Variants in IL12RB1 observed in about 807,000 individuals in gnomAD.
The protein encoded by IL12RB1 is interleukin-12 receptor subunit beta-1.
IL12RB1 carries 64 observed loss-of-function variants against 94.4 expected under a neutral mutation model. That is an observed-to-expected ratio of 0.68 (90% confidence interval 0.55 to 0.83). IL12RB1 has a LOEUF of 0.83. Among genes scored for constraint, IL12RB1 ranks in the 40% least tolerant of loss-of-function variants. The pLI is 0.00. For missense variants in IL12RB1, 814 were observed against 855.6 expected (o/e 0.95, Z 0.61); for synonymous variants, 362 against 355.5 (o/e 1.02, Z -0.21).
intron 1 of IL12RB1, among the ~76,000 whole-genome samples, chr19:18,084,042 T>TCCAC (rs2036128101): frequency 2.7e-5 from 4 of 149,158 alleles, no homozygotes; most frequent in Admixed American, 2.0e-4. Flanking sequence ...CATCCATCCA[T>TCCAC]CCACCCCACC....
At chr19:18,088,408 T>TATATATATATATATATATATATATA (rs1555788630), upstream of IL12RB1, among the ~76,000 whole-genome samples, 2 of 145,564 alleles carry the variant, frequency 1.4e-5, no homozygotes, top group African/African-American at 5.2e-5. Context: ...TATATATAAA[T>TATATATATATATATATATATATATA]TAAAAGTTAG....
At chr19:18,067,619 T>C (rs2034686996) in intron 11 of IL12RB1, among the ~76,000 whole-genome samples, 1 of 151,806 alleles carries the variant, frequency 6.6e-6, no homozygotes, top group South Asian at 2.1e-4. Context: ...CTGGCCAACA[T>C]GCTAAAACCC....
chr19:18,062,430 C>G (rs538881173), intron 13 of IL12RB1, among the ~76,000 whole-genome samples, 153 bp from the exon 14 acceptor site: 12 of 152,222 alleles, frequency 7.9e-5, no homozygotes, highest in African/African-American at 2.9e-4. Flanking sequence ...CCCACCTGCC[C>G]GGTAGCTGTC....
intron 4 of IL12RB1, among the ~76,000 whole-genome samples, chr19:18,079,323 C>T (rs896284373): frequency 2.0e-5 from 3 of 151,872 alleles, no homozygotes; most frequent in Admixed American, 1.3e-4. Context: ...AGGCTGGTCT[C>T]GAACTCCTGA....
At chr19:18,081,128 TTC>T (rs1272030179) in intron 3 of IL12RB1, 127 bp from the exon 4 acceptor site, 1 of 849,980 alleles carries the variant, frequency 1.2e-6, no homozygotes, top group African/African-American at 1.7e-5. Flanking sequence ...TGGAGTTTCA[TTC>T]TGTCACCCAG....
chr19:18,067,940 C>T (rs573841626), intron 11 of IL12RB1, among the ~76,000 whole-genome samples: 2 of 150,558 alleles, frequency 1.3e-5, no homozygotes, highest in East Asian at 2.0e-4. Context: ...AAGTGATCCA[C>T]AAGCCTCAGC....
intron 7 of IL12RB1, among the ~76,000 whole-genome samples, chr19:18,073,952 G>T (rs2035263770): frequency 6.6e-6 from 1 of 152,160 alleles, no homozygotes; most frequent in African/African-American, 2.4e-5. Context: ...AGCCTTCCAA[G>T]TAGCTGGGAT....
chr19:18,075,552 C>T (rs17886634), intron 7 of IL12RB1, among the ~76,000 whole-genome samples, 197 bp downstream of exon 7: 11 of 152,230 alleles, frequency 7.2e-5, no homozygotes, highest in African/African-American at 2.4e-4. Context: ...TCAGCCACCA[C>T]GCCCAGCCCC....
At chr19:18,067,239 G>T (rs1039346606) in intron 11 of IL12RB1, among the ~76,000 whole-genome samples, 1 of 144,192 alleles carries the variant, frequency 6.9e-6, no homozygotes, top group Non-Finnish European at 1.5e-5. Context: ...CACGAGAATC[G>T]CTTGAACCCG....
At chr19:18,082,390 C>CT in intron 2 of IL12RB1, 126 bp from the exon 3 acceptor site, 5 of 695,278 alleles carry the variant, frequency 7.2e-6, no homozygotes, top group Non-Finnish European at 1.1e-5. Context: ...CGCGTCCTTC[C>CT]TACCTCATCC....
intron 8 of IL12RB1, among the ~76,000 whole-genome samples, chr19:18,072,860 T>G (rs1599503403): frequency 7.2e-6 from 1 of 138,998 alleles, no homozygotes; most frequent in Non-Finnish European, 1.5e-5. Context: ...GGCAGGAGAA[T>G]GGCGTGAACC....
chr19:18,083,569 A>G, intron 1 of IL12RB1, 78 bp from the exon 2 acceptor site: 2 of 1,430,090 alleles, frequency 1.4e-6, no homozygotes, highest in South Asian at 2.3e-5. Context: ...TGGGGTCTAC[A>G]CCCAAGTGAT....
chr19:18,064,601 T>C (rs943289974), intron 12 of IL12RB1, among the ~76,000 whole-genome samples: 6 of 151,812 alleles, frequency 4.0e-5, no homozygotes, highest in African/African-American at 1.5e-4. Context: ...GCCTCCTGAG[T>C]AGCCGGGATT....
At chr19:18,088,593 A>C (rs372142626), upstream of IL12RB1, among the ~76,000 whole-genome samples, 1 of 150,274 alleles carries the variant, frequency 6.7e-6, no homozygotes, top group East Asian at 1.9e-4. Flanking sequence ...AATTTAAGAG[A>C]TGCAACTTAG....
chr19:18,062,748 G>A (rs17879124), intron 13 of IL12RB1, among the ~76,000 whole-genome samples: 16,600 of 151,644 alleles, frequency 0.11, 1,026 homozygotes, highest in East Asian at 0.25. Flanking sequence ...TTCCAGCCTC[G>A]GCAATAAGAG....
chr19:18,075,656 T>C (rs1310316466), intron 7 of IL12RB1, 93 bp downstream of exon 7: 31 of 1,161,470 alleles, frequency 2.7e-5, no homozygotes, highest in Non-Finnish European at 4.0e-5. Context: ...CTCAGCCTTC[T>C]GAGCAGCTGG....
Position 18,083,511 on chromosome 19 carries a change from A to C in IL12RB1, c.65-20T>G, listed in dbSNP as rs1210324041. 1.2e-6 allele frequency: 2 copies of C among 1,613,256 alleles called. No homozygotes were observed. Among genetic ancestry groups the C allele is most frequent in the Admixed American group, 3.3e-5 (2 of 60,022 alleles). ...AGGCAGCTGCAAAGGCAATGAAGAC[A>C]TAATGACATTCCTGGCCTTGCACTG... is the stretch of plus-strand genomic sequence containing the variant. On this transcript the variant is annotated intron_variant, in intron 1 of 16. Coordinates refer to ENST00000593993, the MANE Select transcript of IL12RB1 (RefSeq NM_005535.3).
intron 1 of IL12RB1, among the ~76,000 whole-genome samples, chr19:18,083,823 C>A (rs1346381168): frequency 1.3e-5 from 2 of 149,074 alleles, no homozygotes; most frequent in African/African-American, 5.0e-5. Context: ...ACCCATCTAC[C>A]CATCCATCCA....
At chr19:18,069,230 C>G (rs144597891) in intron 10 of IL12RB1, among the ~76,000 whole-genome samples, 98 of 152,314 alleles carry the variant, frequency 6.4e-4, no homozygotes, top group Non-Finnish European at 1.2e-3. Flanking sequence ...AATTTGCCAC[C>G]AGCATCTCGC....
Sources: gnomAD v4.1 joint callset for allele counts (sites outside exome capture counted in the v4.1 genomes callset) on GRCh38, gnomAD v4.1.1 for gene constraint, MANE v1.5 for transcripts, NCBI Gene and HGNC (gene_info 2026-07-23, HGNC 2026-07-21) for gene names.